MCTP2: variants seen among roughly 807,000 people sequenced by gnomAD.
The protein encoded by MCTP2 is multiple C2 and transmembrane domain-containing protein 2.
In MCTP2, 132 loss-of-function variants were observed where a neutral mutation model predicts 111.6. The ratio of observed to expected loss-of-function variants is 1.18; its 90% CI spans 1.03 to 1.37. The LOEUF is 1.37. Ranked by LOEUF, MCTP2 falls within the 40% of genes most tolerant of loss-of-function variation. The probability of loss-of-function intolerance (pLI) is 0.00; values close to 1 mark genes in which losing one functional copy is unlikely to be tolerated. For synonymous variants in MCTP2, 395 were observed against 387.7 expected (o/e 1.02, Z -0.22); for missense variants, 1,183 against 1,067.9 (o/e 1.11, Z -1.50).
intron 4 of MCTP2, among the ~76,000 whole-genome samples, chr15:94,323,410 A>G (rs769853857): frequency 6.6e-6 from 1 of 152,206 alleles, no homozygotes; most frequent in Admixed American, 6.5e-5. Flanking sequence ...CTTAATACCC[A>G]TGAATAATCA....
In MCTP2 at chr15:94,294,941, C is replaced by CTTTTTTTTTTTTTTTTT. The variant is rs71133001; in HGVS notation, c.-65-3248_-65-3232dup. Among the ~76,000 whole-genome samples the CTTTTTTTTTTTTTTTTT allele has an allele frequency of 5.4e-5, 4 of 73,988 alleles. 1 individual carries two copies. The highest frequency in any genetic ancestry group is 1.1e-4 in the African/African-American group (2 of 17,482). 48.5% of individuals were successfully genotyped at this position (73,988 alleles called of 152,430 possible). On this transcript the variant is annotated intron_variant, in intron 1 of 22. Coordinates refer to ENST00000357742, the MANE Select transcript of MCTP2 (RefSeq NM_001385001.1). The stretch of plus-strand genomic sequence containing the variant: ...TTCTCTTTATTTTTCTTTTCTTTTC[C>CTTTTTTTTTTTTTTTTT]TTTTTTTTTTTTTTTTTTTTTTTTT...
At chr15:94,475,430 C>T (rs2152544729) in intron 21 of MCTP2, among the ~76,000 whole-genome samples, 2 of 152,294 alleles carry the variant, frequency 1.3e-5, no homozygotes, top group Middle Eastern at 6.8e-3. Context: ...TAATGCCATG[C>T]AGGAAGCCTA....
intron 12 of MCTP2, among the ~76,000 whole-genome samples, chr15:94,381,219 T>C (rs2080118207): frequency 6.6e-6 from 1 of 152,242 alleles, no homozygotes; most frequent in Non-Finnish European, 1.5e-5. Context: ...GAAATTTTAC[T>C]CAAAGTCCCC....
In MCTP2 at chr15:94,440,042, T is replaced by G. The variant is rs2083688615; in HGVS notation, c.2086-134T>G. The G allele has an allele frequency of 7.1e-6, 7 of 991,946 alleles. No individual in the cohort carries two copies. In the East Asian group the frequency reaches 1.7e-4, roughly 24 times the overall value. 61.4% of individuals were successfully genotyped at this position (991,946 alleles called of 1,614,324 possible). ...ATGAGTTGATCATTGTGTGTGTGCG[T>G]ACCTGTTTGGAAATGTTTCTGAATG... On this transcript the variant is annotated intron_variant, in intron 17 of 22. Transcript: ENST00000357742.
At chr15:94,269,670 T>C (rs1019980823) in intron 1 of MCTP2, among the ~76,000 whole-genome samples, 8 of 152,180 alleles carry the variant, frequency 5.3e-5, no homozygotes, top group African/African-American at 1.7e-4. Context: ...ACTCAACAAA[T>C]ACATTTTAAT....
chr15:94,241,431 A>G (rs1168036327), intron 1 of MCTP2, among the ~76,000 whole-genome samples: 4 of 152,106 alleles, frequency 2.6e-5, no homozygotes, highest in East Asian at 1.9e-4. Context: ...TGTTTGTGCA[A>G]TTTTGGTCGT....
chr15:94,232,891 G>A (rs989331777), intron 1 of MCTP2, among the ~76,000 whole-genome samples: 11 of 152,182 alleles, frequency 7.2e-5, no homozygotes, highest in Non-Finnish European at 1.3e-4. Context: ...TCTGTGCCAA[G>A]CACCATGCTA....
At chr15:94,383,051 A>T (rs2080243123) in intron 12 of MCTP2, among the ~76,000 whole-genome samples, 1 of 151,660 alleles carries the variant, frequency 6.6e-6, no homozygotes, top group Admixed American at 6.6e-5. Context: ...GATGAGCTTA[A>T]TTTTTTTTTG....
intron 17 of MCTP2, among the ~76,000 whole-genome samples, chr15:94,415,765 C>T (rs1188913339): frequency 2.6e-5 from 4 of 152,028 alleles, no homozygotes; most frequent in Non-Finnish European, 5.9e-5. Flanking sequence ...AAATGATACA[C>T]AGACACATTT....
At chr15:94,410,684 A>G (rs2082113874) in intron 17 of MCTP2, among the ~76,000 whole-genome samples, 1 of 152,244 alleles carries the variant, frequency 6.6e-6, no homozygotes, top group African/African-American at 2.4e-5. Flanking sequence ...CAGAAAGGCA[A>G]AGGCCCAGTC....
chr15:94,388,908 A>G (rs543923140), intron 14 of MCTP2, among the ~76,000 whole-genome samples: 1 of 152,330 alleles, frequency 6.6e-6, no homozygotes, highest in African/African-American at 2.4e-5. Context: ...TATTAAGTAT[A>G]TATCATCTCC....
Position 94,339,339 on chromosome 15 carries a change from C to G in MCTP2, c.687C>G (p.Tyr229Ter), listed in dbSNP as rs1420503396. The change falls in exon 5 of 23, where the codon TAC becomes TAG. Residue 229 changes from tyrosine to a stop codon, truncating the protein, a stop_gained. Coordinates refer to ENST00000357742, the MANE Select transcript of MCTP2 (RefSeq NM_001385001.1). LOFTEE classifies it high-confidence loss of function. ...TTAAGCTGAATGGGAAGACGCTGTA[C>G]AAAAGTAAAGTCATATATAAGAACT... ...VKFKLNGKTL[Y>*]KSKVIYKNLN... 1.9e-6 allele frequency: 3 copies of G among 1,610,998 alleles called. No homozygotes were observed. The highest frequency in any genetic ancestry group is 2.2e-5 in the East Asian group (1 of 44,842).
At position 94,480,182 on chromosome 15, in the gene MCTP2, A is replaced by G. The variant is rs2152549711; in HGVS notation, c.*1148A>G. 1 of 152,300 alleles carries G rather than the reference A, an allele frequency of 6.6e-6. No homozygotes were observed. Among genetic ancestry groups the G allele is most frequent in the Non-Finnish European group, 1.5e-5 (1 of 68,018 alleles). 9.4% of individuals were successfully genotyped at this position (152,300 alleles called of 1,614,324 possible). A position where few individuals can be genotyped will look rare whatever the true frequency, so the allele number is the denominator to read the frequency against. On this transcript the variant is annotated 3_prime_UTR_variant, in exon 23 of 23. Transcript: ENST00000357742. ...CTGACTTTGTGCGTATATAAAATGT[A>G]TGCAATTAAGTCTGTTTAAATGATA...
chr15:94,339,176 C>A, intron 4 of MCTP2, 114 bp from the exon 5 acceptor site: 1 of 696,742 alleles, frequency 1.4e-6, no homozygotes, highest in South Asian at 3.0e-5. Context: ...GCCCTTTAAT[C>A]TCTGTGCAGG....
intron 12 of MCTP2, among the ~76,000 whole-genome samples, chr15:94,373,251 G>A (rs552938095): frequency 2.6e-5 from 4 of 152,192 alleles, no homozygotes; most frequent in Non-Finnish European, 5.9e-5. Context: ...TTATGATTAT[G>A]TAGTCATAAG....
At chr15:94,343,465 T>C (rs2077775745) in intron 7 of MCTP2, 2 of 152,192 alleles carry the variant, frequency 1.3e-5, no homozygotes, top group African/African-American at 4.8e-5. Flanking sequence ...AGGTAGCCTT[T>C]GTTGCTTTAG....
At chr15:94,319,580 A>G (rs2076535038) in intron 4 of MCTP2, among the ~76,000 whole-genome samples, 1 of 152,182 alleles carries the variant, frequency 6.6e-6, no homozygotes, top group African/African-American at 2.4e-5. Context: ...ACACTTGGAG[A>G]ACCTTTGCTC....
chr15:94,257,199 C>G (rs2072830588), intron 1 of MCTP2, among the ~76,000 whole-genome samples: 1 of 152,096 alleles, frequency 6.6e-6, no homozygotes, highest in Non-Finnish European at 1.5e-5. Context: ...TCATTCTTGT[C>G]ACTTAAGTCT....
chr15:94,419,773 A>G (rs980375656), intron 17 of MCTP2, among the ~76,000 whole-genome samples: 6 of 148,596 alleles, frequency 4.0e-5, no homozygotes, highest in African/African-American at 1.2e-4. Context: ...TTTTTTTTAC[A>G]AATCGAAAAT....
Sources: gnomAD v4.1 joint callset for allele counts (sites outside exome capture counted in the v4.1 genomes callset) on GRCh38, gnomAD v4.1.1 for gene constraint, MANE v1.5 for transcripts, NCBI Gene and HGNC (gene_info 2026-07-23, HGNC 2026-07-21) for gene names.